TAGAP: variants seen among roughly 807,000 people sequenced by gnomAD.
TAGAP encodes the protein T cell activation RhoGTPase activating protein.
TAGAP carries 16 observed loss-of-function variants against 36.0 expected under a neutral mutation model. That is an observed-to-expected ratio of 0.44 (90% CI 0.30 to 0.68). The LOEUF (loss-of-function observed/expected upper bound fraction) is 0.68, where lower values mean the gene tolerates loss of function less well. TAGAP is among the 30% of genes least tolerant of loss of function. The pLI is 0.09. For synonymous variants in TAGAP, 372 were observed against 377.4 expected (o/e 0.99, Z 0.17); for missense variants, 794 against 921.5 (o/e 0.86, Z 1.79).
At chr6:159,038,016 G>T (rs1779606414) in intron 9 of TAGAP, 98 bp downstream of exon 9, 2 of 774,918 alleles carry the variant, frequency 2.6e-6, no homozygotes, top group African/African-American at 1.7e-5. Context: ...ATTTGTGAAG[G>T]TAACTTCTGC....
Position 159,037,056 on chromosome 6 carries a change from T to C in TAGAP, c.967A>G (p.Ser323Gly). 6.2e-7 allele frequency: 1 copy of C among 1,613,096 alleles called. No individual in the cohort carries two copies. The highest frequency in any genetic ancestry group is 8.5e-7 in the Non-Finnish European group (1 of 1,180,030). The change falls in exon 10 of 10, where the codon AGT becomes GGT. Residue 323 changes from serine (S) to glycine (G), a missense_variant. Coordinates refer to ENST00000367066, the MANE Select transcript of TAGAP (RefSeq NM_054114.5). This position sits in a 1 kb window ranked among gnomAD's most constrained non-coding sequence, Gnocchi z 5.1. ...TGCCTGCTGGGAGAGCTGATGCCACTGCTGCTGTTGGATTCCACATCAGGG... is the reference window on the plus strand; with the variant it reads ...TGCCTGCTGGGAGAGCTGATGCCACCGCTGCTGTTGGATTCCACATCAGGG... The part of the protein sequence containing the change: ...NDPDVESNSS[S>G]GISSPSRQPQ...
Position 159,039,239 on chromosome 6 carries a change from T to C in TAGAP, c.658A>G (p.Ser220Gly), listed in dbSNP as rs773039880. Residue 220 changes from serine (S) to glycine (G), a missense_variant, in exon 8 of 10, where the codon AGC (serine) becomes GGC (glycine). Transcript: ENST00000367066. ...ATCCTGTTCACCTCAGAGTTCTTGC[T>C]GATGAGGTGCAGCACATAGACCAAG... Reference protein sequence around the residue: ...KHLVYVLHLISKNSEVNRMDS... With the variant: ...KHLVYVLHLIGKNSEVNRMDS... 6.2e-7 allele frequency: 1 copy of C among 1,614,190 alleles called. No homozygotes were observed. Among genetic ancestry groups the C allele is most frequent in the South Asian group, 1.1e-5 (1 of 91,088 alleles).
intron 4 of TAGAP, 44 bp from the exon 5 acceptor site, chr6:159,042,288 T>C: frequency 1.3e-6 from 2 of 1,580,272 alleles, no homozygotes; most frequent in Middle Eastern, 1.8e-4. Context: ...TAGACTACAG[T>C]GTTAAGAAGC....
chr6:159,042,113 A>G lies in TAGAP; in HGVS notation c.280T>C (p.Cys94Arg), dbSNP rs762473635. The change falls in exon 5 of 10, where the codon TGC (cysteine) becomes CGC (arginine). Residue 94 changes from cysteine (C) to arginine (R), a missense_variant. Transcript: ENST00000367066. ...SLFDQPLSII[C>R]GDSDTLPRPI... ...CTGGGGAGTGTGTCACTGTCACCGC[A>G]GATAATTGACAAGGGCTGATCAAAT... The G allele has an allele frequency of 6.2e-7, 1 of 1,614,208 alleles. No homozygotes were observed. The highest frequency in any genetic ancestry group is 1.1e-5 in the South Asian group (1 of 91,082).
chr6:159,040,792 T>A lies in TAGAP; in HGVS notation c.518A>T (p.Asp173Val), dbSNP rs1779720312. The change falls in exon 7 of 10, where the codon GAC (aspartate) becomes GTC (valine). Residue 173 changes from aspartate to valine, a missense_variant. Asp to Val is a radical substitution (Grantham distance 152). Coordinates refer to ENST00000367066, the MANE Select transcript of TAGAP (RefSeq NM_054114.5). Reference sequence around the variant, plus strand: ...AGCACCCATCCACTCCTCAAAGAGGTCGCTTGAAAGTAGCTTCCGGGGGAT... The same window carrying A: ...AGCACCCATCCACTCCTCAAAGAGGACGCTTGAAAGTAGCTTCCGGGGGAT... ...RSIPRKLLSS[D>V]LFEEWMGALE... 8 of 1,614,008 alleles carry A rather than the reference T, an allele frequency of 5.0e-6. No homozygotes were observed. Among genetic ancestry groups the A allele is most frequent in the Non-Finnish European group, 6.8e-6 (8 of 1,179,988 alleles).
In TAGAP at chr6:159,041,629, A is replaced by G; in HGVS notation, c.316-114T>C. On this transcript the variant is annotated intron_variant, in intron 5 of 9. Coordinates refer to ENST00000367066, the MANE Select transcript of TAGAP (RefSeq NM_054114.5). The surrounding 1 kb of genome is among the most constrained non-coding windows in gnomAD (Gnocchi z 4.1). ...TTTGCTTTCAGTCCAGTTGCTGTCAATGGCCTTCCTCAACCCTGCTATTTT... is the reference window on the plus strand; with the variant it reads ...TTTGCTTTCAGTCCAGTTGCTGTCAGTGGCCTTCCTCAACCCTGCTATTTT... 1 of 1,212,048 alleles carries G rather than the reference A, an allele frequency of 8.3e-7. No homozygotes were observed. Among genetic ancestry groups the G allele is most frequent in the Non-Finnish European group, 1.1e-6 (1 of 896,410 alleles). 75.1% of individuals were successfully genotyped at this position (1,212,048 alleles called of 1,614,324 possible). A position where few individuals can be genotyped will look rare whatever the true frequency, so the allele number is the denominator to read the frequency against.
At position 159,035,262 on chromosome 6, in the gene TAGAP, T is replaced by C. The variant is rs1779489836; in HGVS notation, c.*565A>G. ...CCCCAGCTTTTACTGGAGTTTTTAA[T>C]GCCTTTGATGACTCCAGACACTCAA... On this transcript the variant is annotated 3_prime_UTR_variant, in exon 10 of 10. Coordinates refer to ENST00000367066, the MANE Select transcript of TAGAP (RefSeq NM_054114.5). The C allele has an allele frequency of 6.6e-6, 1 of 152,330 alleles. No individual in the cohort carries two copies. Among genetic ancestry groups the C allele is most frequent in the Non-Finnish European group, 1.5e-5 (1 of 68,024 alleles). The allele number at this position is 152,330 out of a possible 1,614,324, so 9.4% of individuals were successfully genotyped here.
intron 7 of TAGAP, 35 bp from the exon 8 acceptor site, chr6:159,039,344 A>G (rs1328366801): frequency 6.3e-7 from 1 of 1,596,518 alleles, no homozygotes; most frequent in Non-Finnish European, 8.6e-7. Flanking sequence ...GTTTTCAAAA[A>G]GGCTAATGGT....
Position 159,035,901 on chromosome 6 carries a change from A to T in TAGAP, c.2122T>A (p.Cys708Ser). ...SESVQRNKRD[C>S]LVRRCSQPVF... ...GGCTGGCTACATCGTCGCACGAGAC[A>T]GTCCCGCTTATTCCTCTGCACGGAC... is the stretch of plus-strand genomic sequence containing the variant. The change falls in exon 10 of 10, where the codon TGT becomes AGT. Residue 708 changes from cysteine to serine, a missense_variant. Physicochemically the swap from Cys to Ser is moderately radical, Grantham distance 112 (BLOSUM62 -1). Coordinates refer to ENST00000367066, the MANE Select transcript of TAGAP (RefSeq NM_054114.5). 1 of 1,613,912 alleles carries T rather than the reference A, an allele frequency of 6.2e-7. No individual in the cohort carries two copies. Among genetic ancestry groups the T allele is most frequent in the Non-Finnish European group, 8.5e-7 (1 of 1,179,760 alleles).
rs750414762 is a variant in TAGAP, at chr6:159,039,306, A to C, written c.591T>G (p.Val197=). 3.1e-6 allele frequency: 5 copies of C among 1,612,162 alleles called. No homozygotes were observed. Among genetic ancestry groups the C allele is most frequent in the African/African-American group, 1.3e-5 (1 of 74,876 alleles). The change falls in exon 8 of 10, where the codon GTT becomes GTG. Residue 197 remains valine, a synonymous_variant. Transcript: ENST00000367066. ...EEDRIEALKQ[V]ADKLPRPNLL... ...GGTTGGGCCGGGGGAGCTTATCTGC[A>C]ACCCTGGAATAAAGTGAAGGGATGT...
At chr6:159,042,777 T>G (rs757830488) in intron 4 of TAGAP, 2 of 153,196 alleles carry the variant, frequency 1.3e-5, no homozygotes. Flanking sequence ...TAGAGGGAGC[T>G]AACACCATTT....
Position 159,036,910 on chromosome 6 carries a change from C to T in TAGAP, c.1113G>A (p.Gln371=), listed in dbSNP as rs1779560822. 6.2e-7 allele frequency: 1 copy of T among 1,614,118 alleles called. No individual in the cohort carries two copies. Among genetic ancestry groups the T allele is most frequent in the East Asian group, 2.2e-5 (1 of 44,868 alleles). Residue 371 remains glutamine (Q), a synonymous_variant, in exon 10 of 10, where the codon CAG becomes CAA. Transcript: ENST00000367066. This position sits in a 1 kb window ranked among gnomAD's most constrained non-coding sequence, Gnocchi z 4.9. ...TGGGCTCTGAGTATCTCCTATCGGGCTGTGCGAGGGAGCTTTTCAGCCTGG... is the reference window on the plus strand; with the variant it reads ...TGGGCTCTGAGTATCTCCTATCGGGTTGTGCGAGGGAGCTTTTCAGCCTGG... ...TVARLKSSLA[Q]PDRRYSEPSM... is the part of the protein sequence containing the mutation.
In TAGAP at chr6:159,036,596, G is replaced by A. The variant is rs774820177; in HGVS notation, c.1427C>T (p.Ser476Phe). ...DASSDSSPVASPSSPKRNFFS... is the reference protein window; with the variant it reads ...DASSDSSPVAFPSSPKRNFFS... ...GAAATTTCTTTTGGGACTGGAAGGA[G>A]AAGCCACGGGCGAGCTGTCAGAGGA... The change falls in exon 10 of 10, where the codon TCT (serine) becomes TTT (phenylalanine). Residue 476 changes from serine (S) to phenylalanine (F), a missense_variant. Physicochemically the swap from Ser to Phe is radical, Grantham distance 155. Transcript: ENST00000367066. This position sits in a 1 kb window ranked among gnomAD's most constrained non-coding sequence, Gnocchi z 4.9. 1.9e-6 allele frequency: 3 copies of A among 1,614,040 alleles called. No homozygotes were observed. In the African/African-American group the frequency reaches 4.0e-5, roughly 22 times the overall value.
At chr6:159,039,716 G>T (rs1488463065) in intron 7 of TAGAP, among the ~76,000 whole-genome samples, 8 of 152,196 alleles carry the variant, frequency 5.3e-5, no homozygotes. Flanking sequence ...TTAAAACAAA[G>T]ACGGAAACAA....
intron 4 of TAGAP, 79 bp downstream of exon 4, chr6:159,043,510 A>G (rs1779828133): frequency 7.2e-7 from 1 of 1,382,290 alleles, no homozygotes; most frequent in Admixed American, 1.7e-5. Context: ...CTAGTAGAGT[A>G]AAAGCGCTGT....
chr6:159,038,066 C>T (rs1779608308), intron 9 of TAGAP, 48 bp downstream of exon 9: 1 of 1,260,354 alleles, frequency 7.9e-7, no homozygotes, highest in Non-Finnish European at 1.1e-6. Flanking sequence ...GGCAGACTGG[C>T]ATGAACTTTT....
Position 159,037,797 on chromosome 6 carries a change from G to A in TAGAP, c.898+317C>T, listed in dbSNP as rs915941709. ...TTACTGGACCCATTTTCATTGTGAT[G>A]GAGTCATATCCCATGAAGTGGAAAC... On this transcript the variant is annotated intron_variant, in intron 9 of 9. Transcript: ENST00000367066. This position sits in a 1 kb window ranked among gnomAD's most constrained non-coding sequence, Gnocchi z 5.1. 3.3e-5 allele frequency among the ~76,000 whole-genome samples: 5 copies of A among 152,092 alleles called. No individual in the cohort carries two copies. Among genetic ancestry groups the A allele is most frequent in the African/African-American group, 1.2e-4 (5 of 41,386 alleles).
chr6:159,037,276 C>T lies in TAGAP; in HGVS notation c.899-152G>A. ...ATGTGATCTCGGCTCACTGCAACCT[C>T]TACCTCCCGGGTTCAAGTGATTCTC... On this transcript the variant is annotated intron_variant, in intron 9 of 9. Transcript: ENST00000367066. The surrounding 1 kb of genome is among the most constrained non-coding windows in gnomAD (Gnocchi z 5.1). 1.6e-6 allele frequency: 1 copy of T among 622,496 alleles called. No individual in the cohort carries two copies. Among genetic ancestry groups the T allele is most frequent in the Non-Finnish European group, 2.5e-6 (1 of 405,234 alleles). The allele number at this position is 622,496 out of a possible 1,614,324, so 38.6% of individuals were successfully genotyped here. A position where few individuals can be genotyped will look rare whatever the true frequency, so the allele number is the denominator to read the frequency against.
rs1460893452 is a variant in TAGAP at position 159,036,166 on chromosome 6, C to G, written c.1857G>C (p.Thr619=). Residue 619 remains threonine, a synonymous_variant, in exon 10 of 10, where the codon ACG becomes ACC. Transcript: ENST00000367066. This position sits in a 1 kb window ranked among gnomAD's most constrained non-coding sequence, Gnocchi z 4.9. ...GCATCCTCGCCCTCATGCTCCCCACCGTCATGCTCCCCACGGTCTGGCTCT... is the reference window on the plus strand; with the variant it reads ...GCATCCTCGCCCTCATGCTCCCCACGGTCATGCTCCCCACGGTCTGGCTCT... ...ASESQTVGSM[T]VGSMRARMLE... is the part of the protein sequence containing the mutation. 11 of 1,612,320 alleles carry G rather than the reference C, an allele frequency of 6.8e-6. No individual in the cohort carries two copies. Among genetic ancestry groups the G allele is most frequent in the Non-Finnish European group, 9.3e-6 (11 of 1,179,346 alleles).
Sources: allele counts gnomAD v4.1 joint callset (sites outside exome capture counted in the v4.1 genomes callset), GRCh38; gene constraint gnomAD v4.1.1; non-coding constraint Gnocchi (gnomAD v3.1); transcripts MANE v1.5; gene names NCBI Gene and HGNC (gene_info 2026-07-23, HGNC 2026-07-21).